The following HYCC1 variants were observed in gnomAD, a reference collection of about 807,000 sequenced individuals.
HYCC1 encodes the protein hyccin.
chr7:22,908,071 T>C, the HYCC1 span, among the ~76,000 whole-genome samples: 2 of 152,200 alleles, frequency 1.3e-5, no homozygotes, highest in African/African-American at 4.8e-5. Flanking sequence ...AAAAGTGGAC[T>C]TAAAGGAGGA....
At chr7:22,973,927 G>C in the HYCC1 span, among the ~76,000 whole-genome samples, 2 of 152,094 alleles carry the variant, frequency 1.3e-5, no homozygotes, top group Admixed American at 6.5e-5. Flanking sequence ...GTCAAGAGTG[G>C]TTGGGCACTG....
chr7:22,972,058 TAC>T, the HYCC1 span, among the ~76,000 whole-genome samples: 1 of 152,166 alleles, frequency 6.6e-6, no homozygotes, highest in South Asian at 2.1e-4. Flanking sequence ...GAATTGTTGA[TAC>T]AGTCATAGCA....
the HYCC1 span, chr7:22,941,437 T>C: frequency 6.6e-6 from 1 of 152,142 alleles, no homozygotes; most frequent in Non-Finnish European, 1.5e-5. Context: ...GTTTATTCTT[T>C]AGGAATGTAA....
At chr7:22,983,295 C>T in the HYCC1 span, among the ~76,000 whole-genome samples, 2 of 149,838 alleles carry the variant, frequency 1.3e-5, no homozygotes, top group Non-Finnish European at 3.0e-5. Flanking sequence ...CACCACTGCA[C>T]TCCAGCCTGG....
chr7:22,979,285 C>A, the HYCC1 span, among the ~76,000 whole-genome samples: 4 of 152,080 alleles, frequency 2.6e-5, no homozygotes, highest in East Asian at 7.7e-4. Flanking sequence ...AAAGGTATAA[C>A]AAAAGTTATA....
the HYCC1 span, among the ~76,000 whole-genome samples, chr7:22,987,316 G>A: frequency 6.6e-6 from 1 of 152,228 alleles, no homozygotes; most frequent in African/African-American, 2.4e-5. Context: ...GGGAGGCCAA[G>A]GCAAGCGGAT....
At chr7:22,919,027 T>C in the HYCC1 span, among the ~76,000 whole-genome samples, 3 of 152,112 alleles carry the variant, frequency 2.0e-5, no homozygotes, top group Non-Finnish European at 2.9e-5. Context: ...GAAAAATCCA[T>C]ATCCATAGTC....
At chr7:22,961,876 TGTGA>T in the HYCC1 span, among the ~76,000 whole-genome samples, 45 of 152,192 alleles carry the variant, frequency 3.0e-4, no homozygotes, top group Middle Eastern at 3.4e-3. Context: ...TGTGTGCATG[TGTGA>T]GTGTGTGTGT....
At chr7:22,948,316 CTAA>C in the HYCC1 span, among the ~76,000 whole-genome samples, 2 of 152,044 alleles carry the variant, frequency 1.3e-5, no homozygotes, top group Non-Finnish European at 2.9e-5. Flanking sequence ...CAGACTCCCA[CTAA>C]TGATGCTAAA....
At chr7:22,951,227 T>G in the HYCC1 span, among the ~76,000 whole-genome samples, 2 of 151,948 alleles carry the variant, frequency 1.3e-5, no homozygotes, top group Non-Finnish European at 2.9e-5. Context: ...TTTTATTATG[T>G]CACTTACAAA....
chr7:22,941,021 T>C, the HYCC1 span: 1 of 152,122 alleles, frequency 6.6e-6, no homozygotes, highest in African/African-American at 2.4e-5. Context: ...CACTGGTGCA[T>C]GGCCCATAGA....
the HYCC1 span, among the ~76,000 whole-genome samples, chr7:22,903,245 T>C: frequency 1.3e-5 from 2 of 152,062 alleles, no homozygotes; most frequent in Non-Finnish European, 2.9e-5. Flanking sequence ...AATGAAAACA[T>C]GCAAGCATAC....
At chr7:22,976,385 G>T in the HYCC1 span, 1 of 956,424 alleles carries the variant, frequency 1.0e-6, no homozygotes. Context: ...AGCACTCCTT[G>T]GGGAGAGATA....
chr7:22,924,207 C>G, the HYCC1 span, among the ~76,000 whole-genome samples: 3 of 147,538 alleles, frequency 2.0e-5, no homozygotes, highest in Non-Finnish European at 4.5e-5. Flanking sequence ...GGGGGTGGAG[C>G]CAAGATGGCC....
the HYCC1 span, chr7:22,960,410 A>C: frequency 1.2e-6 from 2 of 1,612,114 alleles, no homozygotes; most frequent in South Asian, 2.2e-5. Context: ...TTATTGCATT[A>C]GCAACCTAAG....
At chr7:22,987,797 C>G in the HYCC1 span, among the ~76,000 whole-genome samples, 1 of 151,962 alleles carries the variant, frequency 6.6e-6, no homozygotes, top group African/African-American at 2.4e-5. Flanking sequence ...ATAAAACCAG[C>G]TTGGGGAGAA....
chr7:22,909,820 A>G, the HYCC1 span, among the ~76,000 whole-genome samples: 1 of 152,164 alleles, frequency 6.6e-6, no homozygotes, highest in East Asian at 1.9e-4. Context: ...AGTCCTCACC[A>G]GATCCTTCTT....
chr7:22,915,111 A>G, the HYCC1 span, among the ~76,000 whole-genome samples: 1 of 152,184 alleles, frequency 6.6e-6, no homozygotes, highest in Admixed American at 6.5e-5. Context: ...CCAGACCCAG[A>G]GGGGCCAGAA....
chr7:22,905,003 G>A, the HYCC1 span, among the ~76,000 whole-genome samples: 3 of 152,064 alleles, frequency 2.0e-5, no homozygotes, highest in East Asian at 5.8e-4. Flanking sequence ...GGTAGAAGGA[G>A]AAAGGGAGTA....
Sources: allele counts gnomAD v4.1 joint callset (sites outside exome capture counted in the v4.1 genomes callset), GRCh38; gene constraint gnomAD v4.1.1; transcripts MANE v1.5; gene names NCBI Gene and HGNC (gene_info 2026-07-23, HGNC 2026-07-21).